The following EXOC4 variants were observed in gnomAD, a reference collection of about 807,000 sequenced individuals.
EXOC4 encodes exocyst complex component 4.
Under a neutral mutation model 107.2 loss-of-function variants are expected in EXOC4, and 71 were observed. The observed-to-expected ratio is 0.66, with a 90% CI of 0.55 to 0.81. EXOC4 has a LOEUF of 0.81. Among genes scored for constraint, EXOC4 ranks in the 30% least tolerant of loss-of-function variants. The pLI, the probability that EXOC4 is intolerant of heterozygous loss-of-function variation, is 0.00. For synonymous variants in EXOC4, 456 were observed against 441.2 expected (o/e 1.03, Z -0.42); for missense variants, 1,108 against 1,189.6 (o/e 0.93, Z 1.01).
chr7:133,360,236 G>A (rs552910611), intron 6 of EXOC4, among the ~76,000 whole-genome samples: 7 of 152,348 alleles, frequency 4.6e-5, no homozygotes, highest in Non-Finnish European at 4.4e-5. Flanking sequence ...AAAGAAGCTG[G>A]AAGGAGTTCT....
intron 9 of EXOC4, among the ~76,000 whole-genome samples, chr7:133,537,305 C>A (rs555559283): frequency 0.011 from 1,652 of 146,914 alleles, 17 homozygotes; most frequent in Middle Eastern, 0.028. Context: ...CACCCCCCCC[C>A]CCACCACACC....
At chr7:133,972,980 A>G (rs923541486) in intron 14 of EXOC4, among the ~76,000 whole-genome samples, 1 of 152,210 alleles carries the variant, frequency 6.6e-6, no homozygotes, top group Non-Finnish European at 1.5e-5. Context: ...TTCATACATC[A>G]TGTGTTCTGG....
chr7:133,436,863 A>T (rs534443239), intron 7 of EXOC4, among the ~76,000 whole-genome samples: 4 of 152,158 alleles, frequency 2.6e-5, no homozygotes, highest in African/African-American at 4.8e-5. Flanking sequence ...AGAGTAACTT[A>T]TGATCTTTTC....
chr7:134,064,772 A>AT lies in EXOC4; in HGVS notation c.*245dup. ...TCAAATCTAACGGGACTAGGGTGGG[A>AT]TAGGGAGGAAGGTGGTATCAAATTG... On this transcript the variant is annotated 3_prime_UTR_variant, in exon 18 of 18. Transcript: ENST00000253861. 3.6e-6 allele frequency: 1 copy of AT among 280,268 alleles called. No individual in the cohort carries two copies. Among genetic ancestry groups the AT allele is most frequent in the Non-Finnish European group, 6.6e-6 (1 of 151,240 alleles). 17.4% of individuals were successfully genotyped at this position (280,268 alleles called of 1,614,324 possible).
At chr7:133,512,534 G>A (rs1799790584) in intron 9 of EXOC4, among the ~76,000 whole-genome samples, 2 of 152,136 alleles carry the variant, frequency 1.3e-5, no homozygotes, top group African/African-American at 4.8e-5. Flanking sequence ...GGGAGATGGA[G>A]CAGAGGCAAG....
rs538513469 is a variant in EXOC4, at chr7:133,997,451, G to T, written c.2207-41G>T. The T allele has an allele frequency of 7.5e-6, 12 of 1,607,128 alleles. No homozygotes were observed. The African/African-American group carries it at 9.4e-5, about 13-fold the overall frequency. ...TATGTCATTTCAGAAAAATCTGTAG[G>T]CATCTAATGAAATGATTGGTGTTTT... On this transcript the variant is annotated intron_variant, in intron 14 of 17. Coordinates refer to ENST00000253861, the MANE Select transcript of EXOC4 (RefSeq NM_021807.4).
At chr7:133,772,380 A>C (rs926529829) in intron 10 of EXOC4, among the ~76,000 whole-genome samples, 1 of 152,070 alleles carries the variant, frequency 6.6e-6, no homozygotes, top group African/African-American at 2.4e-5. Flanking sequence ...CATTAAATTC[A>C]AACTAGCAGG....
In EXOC4 at chr7:133,583,631, G is replaced by A. The variant is rs564127209; in HGVS notation, c.1418-46414G>A. ...TTTGAAAGAACCAGTTGTATTTAGA[G>A]GAAAGCAACCAGTTCATTCAGTGGC... On this transcript the variant is annotated intron_variant, in intron 9 of 17. Transcript: ENST00000253861. Among the ~76,000 whole-genome samples, 246 of 152,240 alleles carry A rather than the reference G, an allele frequency of 1.6e-3. 1 individual carries two copies. The highest frequency in any genetic ancestry group is 5.6e-3 in the African/African-American group (232 of 41,534).
At chr7:133,860,599 A>G (rs1241072045) in intron 11 of EXOC4, among the ~76,000 whole-genome samples, 1 of 152,210 alleles carries the variant, frequency 6.6e-6, no homozygotes, top group African/African-American at 2.4e-5. Flanking sequence ...TATTTATTTT[A>G]GAGAAATGTT....
intron 10 of EXOC4, among the ~76,000 whole-genome samples, chr7:133,632,415 G>T (rs1802612498): frequency 6.6e-6 from 1 of 152,148 alleles, no homozygotes; most frequent in Non-Finnish European, 1.5e-5. Context: ...TTCATTCTTT[G>T]ATAAACGGAT....
chr7:133,824,754 T>C (rs1412418035), intron 11 of EXOC4, among the ~76,000 whole-genome samples: 1 of 152,160 alleles, frequency 6.6e-6, no homozygotes, highest in Non-Finnish European at 1.5e-5. Context: ...TCTGGCAGCG[T>C]AACTGCAATC....
chr7:133,435,265 G>C (rs960105604), intron 7 of EXOC4, among the ~76,000 whole-genome samples: 3 of 152,022 alleles, frequency 2.0e-5, no homozygotes, highest in Non-Finnish European at 4.4e-5. Flanking sequence ...ACGTTCCATC[G>C]TGCTGAACCA....
At chr7:133,948,877 C>T (rs1800620016) in intron 14 of EXOC4, among the ~76,000 whole-genome samples, 2 of 152,194 alleles carry the variant, frequency 1.3e-5, no homozygotes, top group South Asian at 4.1e-4. Context: ...GGAAAAACAA[C>T]ATAATCACCT....
At chr7:133,622,924 A>G (rs551085944) in intron 9 of EXOC4, among the ~76,000 whole-genome samples, 2 of 152,320 alleles carry the variant, frequency 1.3e-5, no homozygotes, top group African/African-American at 4.8e-5. Flanking sequence ...TGAAGTTTGA[A>G]TAATGAACCT....
At chr7:133,975,508 G>A (rs1205106907) in intron 14 of EXOC4, among the ~76,000 whole-genome samples, 1 of 152,022 alleles carries the variant, frequency 6.6e-6, no homozygotes, top group East Asian at 1.9e-4. Context: ...AATTTACACA[G>A]CAAAGAAAGT....
intron 1 of EXOC4, among the ~76,000 whole-genome samples, chr7:133,258,413 G>C (rs571771016): frequency 6.6e-6 from 1 of 152,272 alleles, no homozygotes; most frequent in East Asian, 1.9e-4. Flanking sequence ...TGCTGTGGTT[G>C]TGTGTTGTAG....
intron 5 of EXOC4, among the ~76,000 whole-genome samples, chr7:133,354,324 T>C (rs1795977250): frequency 6.6e-6 from 1 of 152,180 alleles, no homozygotes; most frequent in African/African-American, 2.4e-5. Flanking sequence ...TATTGTTTTG[T>C]TTTATAAATT....
chr7:133,969,476 A>G (rs1801151377), intron 14 of EXOC4, among the ~76,000 whole-genome samples: 1 of 152,062 alleles, frequency 6.6e-6, no homozygotes, highest in Non-Finnish European at 1.5e-5. Flanking sequence ...ATCTTCGTGG[A>G]TTTATCTACC....
intron 8 of EXOC4, 27 bp downstream of exon 8, chr7:133,475,500 T>A: frequency 6.2e-7 from 1 of 1,601,046 alleles, no homozygotes; most frequent in Non-Finnish European, 8.5e-7. Context: ...TGTTAATAGG[T>A]TTTAAGAATT....
Sources: gnomAD v4.1 joint callset for allele counts (sites outside exome capture counted in the v4.1 genomes callset) on GRCh38, gnomAD v4.1.1 for gene constraint, MANE v1.5 for transcripts, NCBI Gene and HGNC (gene_info 2026-07-23, HGNC 2026-07-21) for gene names.